The following ACTL8 variants were observed in gnomAD, a reference collection of about 807,000 sequenced individuals.
The protein encoded by ACTL8 is actin-like protein 8.
A neutral mutation model predicts 9.3 loss-of-function variants in ACTL8; 3 were observed. That is an observed-to-expected ratio of 0.32 (90% CI 0.15 to 0.83). The LOEUF (loss-of-function observed/expected upper bound fraction) is 0.83. Among genes scored for constraint, ACTL8 ranks in the 40% least tolerant of loss-of-function variants. The pLI is 0.57. For missense variants in ACTL8, 381 were observed against 492.2 expected (o/e 0.77, Z 2.14); for synonymous variants, 224 against 205.9 (o/e 1.09, Z -0.75).
At chr1:17,803,573 C>A (rs546029391) in intron 1 of ACTL8, among the ~76,000 whole-genome samples, 1 of 152,336 alleles carries the variant, frequency 6.6e-6, no homozygotes, top group Admixed American at 6.5e-5. Flanking sequence ...TCAGGTGATC[C>A]ATGTGCCTCG....
chr1:17,814,631 C>T (rs1379653612), intron 1 of ACTL8, among the ~76,000 whole-genome samples: 1 of 151,848 alleles, frequency 6.6e-6, no homozygotes, highest in Non-Finnish European at 1.5e-5. Flanking sequence ...AGCAAGACTC[C>T]ATATCTACCA....
intron 1 of ACTL8, among the ~76,000 whole-genome samples, chr1:17,780,251 C>T (rs867843486): frequency 3.8e-4 from 58 of 152,070 alleles, no homozygotes; most frequent in Admixed American, 1.7e-3. Context: ...GTTTAGTGAC[C>T]GGCTTGTAGC....
intron 1 of ACTL8, among the ~76,000 whole-genome samples, chr1:17,817,565 A>G (rs1176251697): frequency 6.6e-6 from 1 of 152,024 alleles, no homozygotes; most frequent in Non-Finnish European, 1.5e-5. Flanking sequence ...CTCCCTGGCC[A>G]TTCTCACTCA....
chr1:17,756,085 T>C (rs1020312468), intron 1 of ACTL8, among the ~76,000 whole-genome samples: 2 of 151,054 alleles, frequency 1.3e-5, no homozygotes, highest in Non-Finnish European at 3.0e-5. Context: ...TTGTGGACTT[T>C]ATTTCAGCCT....
chr1:17,772,011 CAGG>C (rs2066086194), intron 1 of ACTL8, among the ~76,000 whole-genome samples: 1 of 152,184 alleles, frequency 6.6e-6, no homozygotes, highest in Admixed American at 6.5e-5. Context: ...AGACAGAAAG[CAGG>C]AGAACAGGGA....
chr1:17,802,828 C>G (rs1304256393), intron 1 of ACTL8, among the ~76,000 whole-genome samples: 6 of 151,882 alleles, frequency 4.0e-5, no homozygotes, highest in Non-Finnish European at 8.8e-5. Flanking sequence ...ACTAAAAATA[C>G]AGGAAAATTA....
rs1223906434 is a variant in ACTL8, at chr1:17,769,108, C to T, written c.-25+13604C>T. ...AAGAAGGTCCTGCTTCTTGCTACGT[C>T]GCCCAGGCCTGGCCAATATTCTCCA... On this transcript the variant is annotated intron_variant, in intron 1 of 2. Coordinates refer to ENST00000375406, the MANE Select transcript of ACTL8 (RefSeq NM_030812.3). Among the ~76,000 whole-genome samples the T allele has an allele frequency of 5.9e-5, 9 of 152,122 alleles. No homozygotes were observed. The East Asian group carries it at 1.2e-3, about 20-fold the overall frequency.
intron 1 of ACTL8, among the ~76,000 whole-genome samples, chr1:17,802,889 G>T (rs1025259595): frequency 6.6e-6 from 1 of 152,144 alleles, no homozygotes; most frequent in Non-Finnish European, 1.5e-5. Context: ...GGAGGCTGAG[G>T]CAGGAGGATT....
chr1:17,793,193 A>C (rs1468835039), intron 1 of ACTL8, among the ~76,000 whole-genome samples: 2 of 152,162 alleles, frequency 1.3e-5, no homozygotes, highest in East Asian at 3.9e-4. Context: ...CTTTTGTGCC[A>C]GATCTAGTGT....
chr1:17,758,665 C>T (rs1170540104), intron 1 of ACTL8, among the ~76,000 whole-genome samples: 1 of 152,182 alleles, frequency 6.6e-6, no homozygotes, highest in African/African-American at 2.4e-5. Context: ...TAACTCTGAA[C>T]TGATGCTGTT....
intron 1 of ACTL8, among the ~76,000 whole-genome samples, chr1:17,793,220 A>G (rs2066254067): frequency 6.6e-6 from 1 of 152,206 alleles, no homozygotes; most frequent in Admixed American, 6.5e-5. Flanking sequence ...GTTAGACTGC[A>G]TTGGGTGCTC....
chr1:17,820,188 G>A (rs768677551), intron 1 of ACTL8, among the ~76,000 whole-genome samples: 1 of 152,046 alleles, frequency 6.6e-6, no homozygotes, highest in African/African-American at 2.4e-5. Context: ...GGCTGCCAGC[G>A]GCCACTGATC....
chr1:17,806,528 AGTG>A (rs1557442942), intron 1 of ACTL8, among the ~76,000 whole-genome samples: 1 of 152,108 alleles, frequency 6.6e-6, no homozygotes, highest in Non-Finnish European at 1.5e-5. Context: ...TGCTGCTGGG[AGTG>A]GGACTTGCTT....
chr1:17,777,273 C>A (rs1387730928), intron 1 of ACTL8, among the ~76,000 whole-genome samples: 1 of 152,094 alleles, frequency 6.6e-6, no homozygotes, highest in Non-Finnish European at 1.5e-5. Flanking sequence ...ACATTTTAGC[C>A]TCCCCGGAGC....
At chr1:17,763,473 G>T (rs544610159) in intron 1 of ACTL8, among the ~76,000 whole-genome samples, 9 of 152,142 alleles carry the variant, frequency 5.9e-5, no homozygotes, top group Non-Finnish European at 1.3e-4. Context: ...CAAACTCGGG[G>T]TGGAGTGGGT....
At chr1:17,765,671 C>T (rs979332502) in intron 1 of ACTL8, among the ~76,000 whole-genome samples, 3 of 152,294 alleles carry the variant, frequency 2.0e-5, no homozygotes, top group Non-Finnish European at 4.4e-5. Context: ...GCACGTCACC[C>T]GGCTCTCTAT....
intron 1 of ACTL8, among the ~76,000 whole-genome samples, chr1:17,764,387 AG>A (rs1246759906): frequency 4.6e-5 from 7 of 152,134 alleles, no homozygotes; most frequent in African/African-American, 1.7e-4. Context: ...TGGGCAAGCC[AG>A]GGGGGACTGG....
At chr1:17,808,691 T>C (rs191914586) in intron 1 of ACTL8, among the ~76,000 whole-genome samples, 6 of 152,338 alleles carry the variant, frequency 3.9e-5, no homozygotes, top group East Asian at 3.9e-4. Context: ...TCTGGATTCA[T>C]AGTGGTCCGT....
At chr1:17,798,474 T>TG (rs1462243262) in intron 1 of ACTL8, among the ~76,000 whole-genome samples, 1 of 152,130 alleles carries the variant, frequency 6.6e-6, no homozygotes, top group Non-Finnish European at 1.5e-5. Context: ...GCCTGGCAGA[T>TG]GCTGGGCTTG....
Sources: allele counts gnomAD v4.1 joint callset (sites outside exome capture counted in the v4.1 genomes callset), GRCh38; gene constraint gnomAD v4.1.1; transcripts MANE v1.5; gene names NCBI Gene and HGNC (gene_info 2026-07-23, HGNC 2026-07-21).